Variants in RGS7 observed in about 807,000 individuals in gnomAD.
The protein encoded by RGS7 is regulator of G-protein signaling 7.
RGS7 carries 27 observed loss-of-function variants against 81.1 expected under a neutral mutation model. The ratio of observed to expected loss-of-function variants is 0.33; its 90% CI spans 0.25 to 0.46. The LOEUF (loss-of-function observed/expected upper bound fraction) is 0.46. Among genes scored for constraint, RGS7 ranks in the 20% least tolerant of loss-of-function variants. The pLI, the probability that RGS7 is intolerant of heterozygous loss-of-function variation, is 1.00. For synonymous variants in RGS7, 208 were observed against 207.7 expected (o/e 1.00, Z -0.01); for missense variants, 396 against 607.4 (o/e 0.65, Z 3.66).
intron 2 of RGS7, among the ~76,000 whole-genome samples, chr1:241,278,613 C>T (rs1377747275): frequency 6.6e-6 from 1 of 152,192 alleles, no homozygotes; most frequent in Non-Finnish European, 1.5e-5. Context: ...TGGCTGTGTC[C>T]TTTCTCATTC....
At chr1:241,330,806 G>C (rs957436880) in intron 2 of RGS7, among the ~76,000 whole-genome samples, 3 of 152,126 alleles carry the variant, frequency 2.0e-5, no homozygotes, top group African/African-American at 7.2e-5. Flanking sequence ...TCAGGGGCAA[G>C]GGTTGAAAAA....
chr1:241,166,354 A>C (rs2070238346), intron 2 of RGS7, among the ~76,000 whole-genome samples: 1 of 152,212 alleles, frequency 6.6e-6, no homozygotes, highest in South Asian at 2.1e-4. Flanking sequence ...CCAGCAAATG[A>C]GAAGAGAATG....
chr1:241,288,256 G>A (rs1267810144), intron 2 of RGS7, among the ~76,000 whole-genome samples: 6 of 152,216 alleles, frequency 3.9e-5, no homozygotes, highest in Admixed American at 1.3e-4. Flanking sequence ...TTTTACACAC[G>A]TGAAACATGG....
At chr1:241,277,682 G>C (rs569320424) in intron 2 of RGS7, among the ~76,000 whole-genome samples, 5 of 151,680 alleles carry the variant, frequency 3.3e-5, no homozygotes, top group African/African-American at 1.2e-4. Flanking sequence ...GCCATCCCAG[G>C]GGATATTTTA....
intron 2 of RGS7, among the ~76,000 whole-genome samples, chr1:241,203,088 GT>G: frequency 6.6e-6 from 1 of 152,218 alleles, no homozygotes; most frequent in East Asian, 1.9e-4. Flanking sequence ...CACTTAGCAT[GT>G]GATCTTGCTA....
chr1:240,797,517 A>G (rs1687275954), intron 18 of RGS7, among the ~76,000 whole-genome samples: 1 of 151,990 alleles, frequency 6.6e-6, no homozygotes, highest in African/African-American at 2.4e-5. Context: ...ACGCCCGGCT[A>G]ATTTTTGTAT....
chr1:240,963,159 G>A (rs998661964), intron 4 of RGS7, among the ~76,000 whole-genome samples: 1 of 152,132 alleles, frequency 6.6e-6, no homozygotes, highest in Non-Finnish European at 1.5e-5. Flanking sequence ...GGAGTAGAGA[G>A]AGGTGGACAG....
chr1:241,296,309 G>A (rs1172900391), intron 2 of RGS7, among the ~76,000 whole-genome samples: 2 of 152,092 alleles, frequency 1.3e-5, no homozygotes, highest in Non-Finnish European at 2.9e-5. Context: ...AAAGAGGAGT[G>A]CATATTTCAA....
At chr1:241,034,077 A>G (rs2060215723) in intron 3 of RGS7, among the ~76,000 whole-genome samples, 1 of 152,204 alleles carries the variant, frequency 6.6e-6, no homozygotes, top group Non-Finnish European at 1.5e-5. Context: ...CTCACAAAAT[A>G]CTTCAACAAA....
intron 2 of RGS7, among the ~76,000 whole-genome samples, chr1:241,233,174 CA>C (rs1212555898): frequency 6.6e-6 from 1 of 152,176 alleles, no homozygotes; most frequent in Non-Finnish European, 1.5e-5. Context: ...TTTACATAAT[CA>C]AATCAAGGTA....
chr1:241,164,748 C>T lies in RGS7; in HGVS notation c.79-65986G>A, dbSNP rs201662979. On this transcript the variant is annotated intron_variant, in intron 2 of 18. Transcript: ENST00000440928. The surrounding 1 kb of genome is among the most constrained non-coding windows in gnomAD (Gnocchi z 4.1). ...AAACACATCCCCTACTCAGATTCTGCGCATGGGCCACCGATTTGCAAGTGG... is the reference window on the plus strand; with the variant it reads ...AAACACATCCCCTACTCAGATTCTGTGCATGGGCCACCGATTTGCAAGTGG... 1.5e-4 allele frequency among the ~76,000 whole-genome samples: 23 copies of T among 152,278 alleles called. No individual in the cohort carries two copies. The highest frequency in any genetic ancestry group is 1.2e-4 in the Non-Finnish European group (8 of 68,020).
chr1:240,919,775 C>T (rs1317648097), intron 6 of RGS7: 4 of 698,404 alleles, frequency 5.7e-6, no homozygotes, highest in Non-Finnish European at 1.0e-5. Context: ...TGCTCATGGA[C>T]TGTGTGGTAA....
chr1:241,177,122 G>A (rs896029430), intron 2 of RGS7, among the ~76,000 whole-genome samples: 2 of 152,168 alleles, frequency 1.3e-5, no homozygotes, highest in Non-Finnish European at 2.9e-5. Context: ...TAGGGCAGGA[G>A]GAAAGACACC....
At chr1:241,124,863 C>T (rs145416510) in intron 2 of RGS7, among the ~76,000 whole-genome samples, 19 of 152,182 alleles carry the variant, frequency 1.2e-4, no homozygotes, top group Non-Finnish European at 2.1e-4. Flanking sequence ...CAAAAGCCAG[C>T]GAACTTGTTA....
chr1:241,247,498 G>A (rs2076605762), intron 2 of RGS7, among the ~76,000 whole-genome samples: 1 of 152,156 alleles, frequency 6.6e-6, no homozygotes, highest in South Asian at 2.1e-4. Flanking sequence ...TCCCCCACAG[G>A]TTGAAAGAGA....
intron 2 of RGS7, among the ~76,000 whole-genome samples, chr1:241,156,492 A>T (rs2069159649): frequency 6.6e-6 from 1 of 150,952 alleles, no homozygotes; most frequent in African/African-American, 2.4e-5. Context: ...GGCAACAGAG[A>T]GAGACTCTGT....
In RGS7 at chr1:241,185,776, AT is replaced by A. The variant is rs546314584; in HGVS notation, c.79-87015del. ...AGAAGTAATGAAAAAATTAGAAAATATTTTGAATTAAATAAACACAAAACCA... is the reference window on the plus strand; with the variant it reads ...AGAAGTAATGAAAAAATTAGAAAATATTTGAATTAAATAAACACAAAACCA... On this transcript the variant is annotated intron_variant, in intron 2 of 18. Coordinates refer to ENST00000440928, the MANE Select transcript of RGS7 (RefSeq NM_001364886.1). Among the ~76,000 whole-genome samples, 325 of 152,266 alleles carry A rather than the reference AT, an allele frequency of 2.1e-3. 1 individual carries two copies. Among genetic ancestry groups the A allele is most frequent in the African/African-American group, 7.3e-3 (303 of 41,584 alleles).
intron 2 of RGS7, among the ~76,000 whole-genome samples, chr1:241,314,902 CT>C (rs1485818279): frequency 2.0e-5 from 3 of 152,104 alleles, no homozygotes; most frequent in East Asian, 3.9e-4. Context: ...CTTGGGAGCC[CT>C]TTGCAATAGT....
chr1:241,164,467 A>G lies in RGS7; in HGVS notation c.79-65705T>C, dbSNP rs1422431532. ...TGAAGCCACCTAGGGACTGCCAGCC[A>G]TCAGCCAACTCATTAGCATACAAAA... is the stretch of plus-strand genomic sequence containing the variant. On this transcript the variant is annotated intron_variant, in intron 2 of 18. Transcript: ENST00000440928. The surrounding 1 kb of genome is among the most constrained non-coding windows in gnomAD (Gnocchi z 4.1). Among the ~76,000 whole-genome samples the G allele has an allele frequency of 6.6e-6, 1 of 152,120 alleles. No homozygotes were observed. The highest frequency in any genetic ancestry group is 1.5e-5 in the Non-Finnish European group (1 of 68,014).
Sources: allele counts gnomAD v4.1 joint callset (sites outside exome capture counted in the v4.1 genomes callset), GRCh38; gene constraint gnomAD v4.1.1; non-coding constraint Gnocchi (gnomAD v3.1); transcripts MANE v1.5; gene names NCBI Gene and HGNC (gene_info 2026-07-23, HGNC 2026-07-21).